The following PLXNC1 variants were observed in gnomAD, a reference collection of about 807,000 sequenced individuals.
PLXNC1 encodes plexin C1, also known as plexin-C1.
In PLXNC1, 75 loss-of-function variants were observed where a neutral mutation model predicts 178.2. The ratio of observed to expected loss-of-function variants is 0.42; its 90% CI spans 0.35 to 0.51. The LOEUF is 0.51. PLXNC1 is among the 20% of genes least tolerant of loss of function. PLXNC1 has a pLI of 0.02. For missense variants in PLXNC1, 1,503 were observed against 1,984.4 expected (o/e 0.76, Z 4.61); for synonymous variants, 790 against 779.9 (o/e 1.01, Z -0.22).
chr12:94,204,360 T>G (rs1416369732), intron 4 of PLXNC1, among the ~76,000 whole-genome samples: 1 of 152,220 alleles, frequency 6.6e-6, no homozygotes, highest in Non-Finnish European at 1.5e-5. Flanking sequence ...TTGCAGCTAC[T>G]TAGAGGTTTG....
intron 3 of PLXNC1, among the ~76,000 whole-genome samples, chr12:94,183,360 T>C (rs1377489536): frequency 6.6e-6 from 1 of 152,248 alleles, no homozygotes; most frequent in Non-Finnish European, 1.5e-5. Context: ...CTTCACCATA[T>C]AGAATCTCCT....
chr12:94,157,609 T>C (rs1748086412), intron 1 of PLXNC1, among the ~76,000 whole-genome samples: 1 of 152,262 alleles, frequency 6.6e-6, no homozygotes, highest in African/African-American at 2.4e-5. Context: ...TCAGTTTCAG[T>C]AGCTGATTTT....
intron 21 of PLXNC1, among the ~76,000 whole-genome samples, chr12:94,267,706 A>G (rs929862300): frequency 1.3e-5 from 2 of 152,214 alleles, no homozygotes. Context: ...GAGAAGGCAC[A>G]TGATCCGTTC....
rs1200462581 is a variant in PLXNC1 at position 94,306,190 on chromosome 12, G to A, written c.*905G>A. Reference sequence around the variant, plus strand: ...GAGTGTCTCCTTGCTTTAGATTTCTGGTGAACCCTGTGGTTATGAATACTT... The same window carrying A: ...GAGTGTCTCCTTGCTTTAGATTTCTAGTGAACCCTGTGGTTATGAATACTT... On this transcript the variant is annotated 3_prime_UTR_variant, in exon 31 of 31. Transcript: ENST00000258526. 2.0e-5 allele frequency: 3 copies of A among 151,604 alleles called. No homozygotes were observed. The highest frequency in any genetic ancestry group is 7.3e-5 in the African/African-American group (3 of 41,228). The allele number at this position is 151,604 out of a possible 1,614,324, so 9.4% of individuals were successfully genotyped here. A position where few individuals can be genotyped will look rare whatever the true frequency, so the allele number is the denominator to read the frequency against.
chr12:94,235,657 G>A (rs1387266268), intron 9 of PLXNC1, among the ~76,000 whole-genome samples: 1 of 152,196 alleles, frequency 6.6e-6, no homozygotes, highest in Non-Finnish European at 1.5e-5. Context: ...AGGCTTTGCG[G>A]GCCGTATGGT....
intron 4 of PLXNC1, among the ~76,000 whole-genome samples, chr12:94,198,505 A>T (rs909315165): frequency 2.2e-4 from 33 of 152,104 alleles, no homozygotes; most frequent in African/African-American, 7.5e-4. Context: ...AATGAAAATA[A>T]AAATTGAAAA....
intron 5 of PLXNC1, among the ~76,000 whole-genome samples, chr12:94,214,737 C>T (rs7953001): frequency 0.44 from 66,889 of 151,740 alleles, 16,376 homozygotes; most frequent in East Asian, 0.62. Context: ...ACTACTCAGC[C>T]ATAAACTTAA....
intron 9 of PLXNC1, among the ~76,000 whole-genome samples, chr12:94,235,911 T>C (rs12313726): frequency 0.075 from 11,362 of 152,222 alleles, 622 homozygotes; most frequent in African/African-American, 0.15. Context: ...TCCCCCACAA[T>C]ATCTGGCCTA....
At chr12:94,223,933 A>G (rs2136024481) in intron 6 of PLXNC1, among the ~76,000 whole-genome samples, 2 of 152,118 alleles carry the variant, frequency 1.3e-5, no homozygotes, top group Middle Eastern at 3.4e-3. Flanking sequence ...TCCCTAGGAG[A>G]GTATGAGATG....
At chr12:94,192,018 C>A (rs1962745242) in intron 4 of PLXNC1, among the ~76,000 whole-genome samples, 1 of 152,138 alleles carries the variant, frequency 6.6e-6, no homozygotes, top group Admixed American at 6.5e-5. Flanking sequence ...AACTGGCAAT[C>A]CCGAACCAAT....
intron 21 of PLXNC1, among the ~76,000 whole-genome samples, chr12:94,269,313 TG>T (rs1449825850): frequency 6.6e-6 from 1 of 152,212 alleles, no homozygotes; most frequent in African/African-American, 2.4e-5. Context: ...TAGAAATTCT[TG>T]AAAAAGCACA....
chr12:94,267,340 C>T (rs1251088331), intron 21 of PLXNC1, among the ~76,000 whole-genome samples: 1 of 152,140 alleles, frequency 6.6e-6, no homozygotes. Flanking sequence ...GTGTTTTCTC[C>T]CTTTCATTTC....
At chr12:94,294,635 T>C (rs994307223) in intron 24 of PLXNC1, 95 bp downstream of exon 24, 4 of 621,672 alleles carry the variant, frequency 6.4e-6, no homozygotes, top group Non-Finnish European at 9.0e-6. Flanking sequence ...AAAGGTGAGA[T>C]TGAGTTGTTG....
intron 2 of PLXNC1, among the ~76,000 whole-genome samples, chr12:94,178,301 CTTGACTAGA>C (rs1440979883): frequency 6.6e-6 from 1 of 152,184 alleles, no homozygotes; most frequent in Non-Finnish European, 1.5e-5. Flanking sequence ...GTGCTAAAGA[CTTGACTAGA>C]TTCAGTTTCA....
chr12:94,292,980 C>T (rs1282691088), intron 23 of PLXNC1, among the ~76,000 whole-genome samples: 7 of 152,204 alleles, frequency 4.6e-5, no homozygotes, highest in Non-Finnish European at 8.8e-5. Context: ...GAAGCCCTCT[C>T]CTGGCCTTTC....
intron 1 of PLXNC1, chr12:94,158,360 T>C (rs1337839202): frequency 6.6e-6 from 1 of 152,250 alleles, no homozygotes; most frequent in African/African-American, 2.4e-5. Context: ...GAAACGAGTG[T>C]GCAGGTCCAG....
At chr12:94,199,404 C>T (rs900475889) in intron 4 of PLXNC1, among the ~76,000 whole-genome samples, 1 of 152,074 alleles carries the variant, frequency 6.6e-6, no homozygotes, top group Non-Finnish European at 1.5e-5. Context: ...CCCATTGTGC[C>T]GACTAATTGT....
intron 20 of PLXNC1, among the ~76,000 whole-genome samples, chr12:94,261,163 C>CAA (rs10652512): frequency 0.6 from 91,470 of 151,910 alleles, 28,127 homozygotes; most frequent in African/African-American, 0.73. Flanking sequence ...TTTCAAACAC[C>CAA]AGAGAACAAA....
chr12:94,279,790 T>C, intron 22 of PLXNC1, 141 bp downstream of exon 22: 1 of 783,812 alleles, frequency 1.3e-6, no homozygotes, highest in East Asian at 2.7e-5. Flanking sequence ...CTGGAGGGCA[T>C]GTCTAGGGGC....
Sources: gnomAD v4.1 joint callset for allele counts (sites outside exome capture counted in the v4.1 genomes callset) on GRCh38, gnomAD v4.1.1 for gene constraint, MANE v1.5 for transcripts, NCBI Gene and HGNC (gene_info 2026-07-23, HGNC 2026-07-21) for gene names.